Variants in CORIN observed in about 807,000 individuals in gnomAD.
CORIN encodes corin, serine peptidase.
Under a neutral mutation model 125.3 loss-of-function variants are expected in CORIN, and 117 were observed. The observed-to-expected ratio is 0.93, with a 90% CI of 0.80 to 1.09. CORIN has a LOEUF of 1.09. Among genes scored for constraint, CORIN ranks in the 50% least tolerant of loss-of-function variants. CORIN has a pLI of 0.00. For synonymous variants in CORIN, 450 were observed against 466.4 expected (o/e 0.96, Z 0.45); for missense variants, 1,253 against 1,306.7 (o/e 0.96, Z 0.63).
At chr4:47,776,743 G>A (rs1282772917) in intron 3 of CORIN, among the ~76,000 whole-genome samples, 3 of 152,140 alleles carry the variant, frequency 2.0e-5, no homozygotes, top group Non-Finnish European at 4.4e-5. Context: ...ATTAATACCT[G>A]CAACAGCAAT....
At chr4:47,758,058 C>T (rs1451442244) in intron 4 of CORIN, among the ~76,000 whole-genome samples, 3 of 151,534 alleles carry the variant, frequency 2.0e-5, no homozygotes, top group African/African-American at 4.8e-5. Flanking sequence ...GGACTACAGG[C>T]GCCTGCCACT....
intron 19 of CORIN, 48 bp from the exon 20 acceptor site, chr4:47,603,716 C>T: frequency 1.3e-6 from 2 of 1,574,296 alleles, no homozygotes; most frequent in Non-Finnish European, 1.7e-6. Context: ...TCTAGTTTAT[C>T]ATGTGAAATT....
chr4:47,668,362 C>T (rs908730337), intron 10 of CORIN, among the ~76,000 whole-genome samples: 6 of 152,230 alleles, frequency 3.9e-5, no homozygotes, highest in African/African-American at 9.6e-5. Flanking sequence ...CCATGCCTTT[C>T]CCCGCTCACA....
At chr4:47,623,069 CCTCTCTCT>C (rs372736248) in intron 19 of CORIN, among the ~76,000 whole-genome samples, 2 of 93,610 alleles carry the variant, frequency 2.1e-5, no homozygotes, top group Non-Finnish European at 3.7e-5. Context: ...CATAACATAA[CCTCTCTCT>C]CTCTCTCTCT....
chr4:47,772,669 C>A (rs1730102982), intron 3 of CORIN, among the ~76,000 whole-genome samples: 1 of 152,128 alleles, frequency 6.6e-6, no homozygotes, highest in South Asian at 2.1e-4. Flanking sequence ...TTATCAGTTT[C>A]CTCATCTGTA....
intron 4 of CORIN, among the ~76,000 whole-genome samples, chr4:47,754,826 C>T (rs185575210): frequency 2.0e-5 from 3 of 152,306 alleles, no homozygotes; most frequent in African/African-American, 7.2e-5. Context: ...CCCATTCTTT[C>T]TGAAGGCAGT....
intron 14 of CORIN, among the ~76,000 whole-genome samples, chr4:47,643,511 C>G (rs1392976032): frequency 6.6e-6 from 1 of 152,124 alleles, no homozygotes; most frequent in Non-Finnish European, 1.5e-5. Context: ...AACAATCAGA[C>G]TGAATAAACA....
intron 5 of CORIN, among the ~76,000 whole-genome samples, chr4:47,704,748 G>A (rs543223960): frequency 2.0e-5 from 3 of 152,242 alleles, no homozygotes; most frequent in African/African-American, 7.2e-5. Context: ...GCTTAACCCC[G>A]AGAGGTTTCA....
At chr4:47,631,247 A>G (rs755445586) in intron 16 of CORIN, among the ~76,000 whole-genome samples, 69 of 152,280 alleles carry the variant, frequency 4.5e-4, no homozygotes, top group Non-Finnish European at 7.9e-4. Context: ...AGGGGTCCCC[A>G]GCCCCAGGGC....
intron 1 of CORIN, among the ~76,000 whole-genome samples, chr4:47,815,871 C>A (rs1012328026): frequency 2.0e-5 from 3 of 152,124 alleles, no homozygotes; most frequent in South Asian, 2.1e-4. Context: ...ATGGCAAAAT[C>A]CAAAGGAGTC....
At chr4:47,624,769 AT>A (rs1722481524) in intron 17 of CORIN, among the ~76,000 whole-genome samples, 1 of 152,172 alleles carries the variant, frequency 6.6e-6, no homozygotes, top group Non-Finnish European at 1.5e-5. Context: ...TCTTCCAACC[AT>A]GAAACATTTA....
chr4:47,760,189 G>C (rs558641328), intron 4 of CORIN, among the ~76,000 whole-genome samples: 1 of 152,266 alleles, frequency 6.6e-6, no homozygotes, highest in East Asian at 1.9e-4. Flanking sequence ...ATGGGCTGCA[G>C]AATAGATATT....
intron 5 of CORIN, among the ~76,000 whole-genome samples, chr4:47,703,249 G>A (rs777010425): frequency 3.9e-5 from 6 of 152,032 alleles, no homozygotes; most frequent in Non-Finnish European, 8.8e-5. Context: ...TGCAGCAGCC[G>A]GTAGTGACAG....
chr4:47,747,852 A>G (rs572163530), intron 4 of CORIN, among the ~76,000 whole-genome samples: 9 of 152,212 alleles, frequency 5.9e-5, no homozygotes, highest in Non-Finnish European at 8.8e-5. Context: ...TCCTTTTACT[A>G]CTAACATTCT....
intron 1 of CORIN, among the ~76,000 whole-genome samples, chr4:47,827,695 TA>T (rs1299257017): frequency 2.0e-5 from 3 of 152,246 alleles, no homozygotes; most frequent in African/African-American, 7.2e-5. Flanking sequence ...AGCACATTTT[TA>T]TTATGTTTTT....
chr4:47,829,368 C>G (rs1205082524), intron 1 of CORIN, among the ~76,000 whole-genome samples: 1 of 152,070 alleles, frequency 6.6e-6, no homozygotes, highest in Non-Finnish European at 1.5e-5. Context: ...GGGGCAGGAC[C>G]CTTCTGGACC....
intron 4 of CORIN, among the ~76,000 whole-genome samples, chr4:47,747,491 G>C (rs1380986153): frequency 6.6e-6 from 1 of 151,654 alleles, no homozygotes; most frequent in Non-Finnish European, 1.5e-5. Context: ...TTTCTGAACT[G>C]AGTTATTTTA....
intron 11 of CORIN, 72 bp from the exon 12 acceptor site, chr4:47,661,928 G>T: frequency 7.0e-7 from 1 of 1,428,170 alleles, no homozygotes. Context: ...ATAAATTTAT[G>T]TCAAGTTTTA....
intron 13 of CORIN, among the ~76,000 whole-genome samples, chr4:47,647,558 A>T (rs1723544007): frequency 6.6e-6 from 1 of 152,212 alleles, no homozygotes. Flanking sequence ...TGTATTATCC[A>T]CTATGTATCC....
Sources: gnomAD v4.1 joint callset for allele counts (sites outside exome capture counted in the v4.1 genomes callset) on GRCh38, gnomAD v4.1.1 for gene constraint, MANE v1.5 for transcripts, NCBI Gene and HGNC (gene_info 2026-07-23, HGNC 2026-07-21) for gene names.